PDZD8: variants seen among roughly 807,000 people sequenced by gnomAD.
The protein encoded by PDZD8 is PDZ domain-containing protein 8.
Under a neutral mutation model 85.8 loss-of-function variants are expected in PDZD8, and 14 were observed. That is an observed-to-expected ratio of 0.16 (90% CI 0.11 to 0.26). The LOEUF (loss-of-function observed/expected upper bound fraction) is 0.26, where lower values mean the gene tolerates loss of function less well. Among genes scored for constraint, PDZD8 ranks in the 10% least tolerant of loss-of-function variants. The pLI is 1.00. For missense variants in PDZD8, 1,197 were observed against 1,424.3 expected (o/e 0.84, Z 2.57); for synonymous variants, 592 against 568.6 (o/e 1.04, Z -0.59).
intron 2 of PDZD8, among the ~76,000 whole-genome samples, chr10:117,334,775 T>C (rs1330004140): frequency 6.6e-6 from 1 of 152,104 alleles, no homozygotes; most frequent in South Asian, 2.1e-4. Flanking sequence ...AAACTGGAGA[T>C]AGGAGAAGAC....
chr10:117,290,180 A>G lies in PDZD8; in HGVS notation c.1261+6T>C, dbSNP rs755247140. On this transcript the variant is annotated splice_donor_region_variant and intron_variant, in intron 4 of 4. Coordinates refer to ENST00000334464, the MANE Select transcript of PDZD8 (RefSeq NM_173791.5). ...GGTAAAGTATAATGCATATTAGCAT[A>G]ATTACCTCCAATGGCGATAAGTCGA... 1 of 1,611,454 alleles carries G rather than the reference A, an allele frequency of 6.2e-7. No individual in the cohort carries two copies. Among genetic ancestry groups the G allele is most frequent in the South Asian group, 1.1e-5 (1 of 90,518 alleles).
At chr10:117,309,549 T>A (rs904924379) in intron 3 of PDZD8, among the ~76,000 whole-genome samples, 1 of 152,064 alleles carries the variant, frequency 6.6e-6, no homozygotes, top group African/African-American at 2.4e-5. Context: ...TCTTTCTGGC[T>A]TCCTTGCTCA....
chr10:117,321,373 GA>G (rs1343822052), intron 2 of PDZD8, among the ~76,000 whole-genome samples: 1 of 152,062 alleles, frequency 6.6e-6, no homozygotes, highest in Non-Finnish European at 1.5e-5. Context: ...ACTTCTAAGT[GA>G]AATAAGCCAG....
At position 117,339,844 on chromosome 10, in the gene PDZD8, G is replaced by A. The variant is rs144025078; in HGVS notation, c.995+1136C>T. On this transcript the variant is annotated intron_variant, in intron 2 of 4. Coordinates refer to ENST00000334464, the MANE Select transcript of PDZD8 (RefSeq NM_173791.5). ...AAGCACTATGAATGAGGGGCTGGGC[G>A]GAGGATGGTGAGACTGAAGCTGGAG... Among the ~76,000 whole-genome samples the A allele has an allele frequency of 1.9e-4, 29 of 152,306 alleles. No homozygotes were observed. The East Asian group carries it at 5.0e-3, about 26-fold the overall frequency.
intron 1 of PDZD8, among the ~76,000 whole-genome samples, chr10:117,372,546 A>C (rs1382876018): frequency 6.6e-6 from 1 of 152,204 alleles, no homozygotes; most frequent in Non-Finnish European, 1.5e-5. Flanking sequence ...AGAATACCAA[A>C]ATTTCTAGCA....
Position 117,279,292 on chromosome 10 carries a change from A to G in PDZD8, c.*3976T>C, listed in dbSNP as rs1422314821. The G allele has an allele frequency of 2.6e-5, 4 of 152,206 alleles. No homozygotes were observed. Among genetic ancestry groups the G allele is most frequent in the African/African-American group, 7.2e-5 (3 of 41,450 alleles). The allele number at this position is 152,206 out of a possible 1,614,324, so 9.4% of individuals were successfully genotyped here. A position where few individuals can be genotyped will look rare whatever the true frequency, so the allele number is the denominator to read the frequency against. On this transcript the variant is annotated 3_prime_UTR_variant, in exon 5 of 5. Transcript: ENST00000334464. Reference sequence around the variant, plus strand: ...CTCTCTGAACATTTATTTTTTGAACAGAGGTGGTTTTTATGTTTGGACCTG... The same window carrying G: ...CTCTCTGAACATTTATTTTTTGAACGGAGGTGGTTTTTATGTTTGGACCTG...
intron 3 of PDZD8, among the ~76,000 whole-genome samples, chr10:117,302,933 C>T (rs1843871549): frequency 6.6e-6 from 1 of 152,166 alleles, no homozygotes; most frequent in African/African-American, 2.4e-5. Context: ...CCCATTAAAC[C>T]TCTTTCTTTT....
chr10:117,371,716 C>A (rs1845196674), intron 1 of PDZD8, among the ~76,000 whole-genome samples: 1 of 152,178 alleles, frequency 6.6e-6, no homozygotes, highest in Non-Finnish European at 1.5e-5. Flanking sequence ...GGGAGGATCA[C>A]TTGAATGAAC....
At chr10:117,294,380 G>A (rs1843720195) in intron 3 of PDZD8, among the ~76,000 whole-genome samples, 1 of 151,232 alleles carries the variant, frequency 6.6e-6, no homozygotes, top group Admixed American at 6.6e-5. Flanking sequence ...TGTGGAAGAA[G>A]AGGAACTCCT....
intron 1 of PDZD8, among the ~76,000 whole-genome samples, chr10:117,368,639 G>A (rs1845130371): frequency 6.6e-6 from 1 of 152,118 alleles, no homozygotes; most frequent in Non-Finnish European, 1.5e-5. Context: ...CTGTCAATAA[G>A]TTGATGCCCC....
In PDZD8 at chr10:117,282,424, A is replaced by G. The variant is rs1251328828; in HGVS notation, c.*844T>C. ...TTAAAAGGAAAGCATCAATATTTTA[A>G]AAGATTATATTTCAAAATGCTATGT... On this transcript the variant is annotated 3_prime_UTR_variant, in exon 5 of 5. Transcript: ENST00000334464. 6.6e-6 allele frequency: 1 copy of G among 152,220 alleles called. No homozygotes were observed. Among genetic ancestry groups the G allele is most frequent in the East Asian group, 1.9e-4 (1 of 5,196 alleles). The allele number at this position is 152,220 out of a possible 1,614,324, so 9.4% of individuals were successfully genotyped here.
chr10:117,298,882 A>G (rs1843799301), intron 3 of PDZD8, among the ~76,000 whole-genome samples: 1 of 152,158 alleles, frequency 6.6e-6, no homozygotes, highest in African/African-American at 2.4e-5. Context: ...TTTAGCAGTC[A>G]GCCCTCCATA....
At position 117,285,113 on chromosome 10, in the gene PDZD8, A is replaced by T; in HGVS notation, c.1620T>A (p.Val540=). 6.2e-7 allele frequency: 1 copy of T among 1,614,036 alleles called. No homozygotes were observed. The highest frequency in any genetic ancestry group is 8.5e-7 in the Non-Finnish European group (1 of 1,179,942). ...TTCCTACAGCTAATTTACGGTTTAA[A>T]ACTGGTGATATAGCTCCAAGGGGTT... ...SIKPLGAISP[V]LNRKLAVGSH... is the part of the protein sequence containing the mutation. The change falls in exon 5 of 5, where the codon GTT becomes GTA. Residue 540 remains valine, a synonymous_variant. Coordinates refer to ENST00000334464, the MANE Select transcript of PDZD8 (RefSeq NM_173791.5).
Position 117,318,882 on chromosome 10 carries a change from G to C in PDZD8, c.1088C>G (p.Ser363Cys), listed in dbSNP as rs1379584603. 2.4e-5 allele frequency: 38 copies of C among 1,596,482 alleles called. No individual in the cohort carries two copies. Among genetic ancestry groups the C allele is most frequent in the Non-Finnish European group, 3.1e-5 (36 of 1,164,938 alleles). ...SSVWEEKQRS[S>C]IKTVELIKGN... The stretch of plus-strand genomic sequence containing the variant: ...GTAAATCCATTTTACCGTCTTAATA[G>C]AACTCCTCTGTTTTTCTTCCCAAAC... The change falls in exon 3 of 5, where the codon TCT (serine) becomes TGT (cysteine). Residue 363 changes from serine (S) to cysteine (C), a missense_variant. By Grantham distance (112) the Ser-to-Cys change is moderately radical. Transcript: ENST00000334464.
intron 3 of PDZD8, among the ~76,000 whole-genome samples, chr10:117,315,547 G>A (rs942834195): frequency 1.6e-5 from 2 of 128,760 alleles, no homozygotes; most frequent in African/African-American, 6.2e-5. Context: ...CTGAGACTGC[G>A]CCACTGCACT....
chr10:117,314,167 G>C (rs909502254), intron 3 of PDZD8: 4 of 152,064 alleles, frequency 2.6e-5, no homozygotes, highest in African/African-American at 9.7e-5. Context: ...TTCTTACCCT[G>C]GCAGTAGTTC....
intron 3 of PDZD8, among the ~76,000 whole-genome samples, chr10:117,312,787 T>G (rs990429776): frequency 2.0e-5 from 3 of 152,206 alleles, no homozygotes; most frequent in Non-Finnish European, 4.4e-5. Context: ...TTTATCTTTA[T>G]ATGGCTATCT....
At position 117,374,970 on chromosome 10, in the gene PDZD8, G is replaced by A. The variant is rs760879562; in HGVS notation, c.258C>T (p.Thr86=). 2.5e-6 allele frequency: 4 copies of A among 1,605,168 alleles called. No individual in the cohort carries two copies. The highest frequency in any genetic ancestry group is 1.1e-5 in the South Asian group (1 of 90,422). ...AAGTCTCCCGCGTCGGCGGGGCGGG[G>A]GTCTCGGGGGCCGCGGTGGGGGTCG... ...GGATPTAAPE[T]PAPPTRETCY... The change falls in exon 1 of 5, where the codon ACC becomes ACT. Residue 86 remains threonine (T), a synonymous_variant. Coordinates refer to ENST00000334464, the MANE Select transcript of PDZD8 (RefSeq NM_173791.5). The surrounding 1 kb of genome is among the most constrained non-coding windows in gnomAD (Gnocchi z 7.8).
chr10:117,318,954 T>C lies in PDZD8; in HGVS notation c.1016A>G (p.Tyr339Cys). 5 of 1,611,174 alleles carry C rather than the reference T, an allele frequency of 3.1e-6. No individual in the cohort carries two copies. The African/African-American group carries it at 4.0e-5, about 13-fold the overall frequency. ...ECSRLLIFGS[Y>C]DREANVHCTL... ...GCAATGAACATTTGCCTCTCTGTCA[T>C]AGGATCCAAAAATGAGTAACCTGCA... The change falls in exon 3 of 5, where the codon TAT (tyrosine) becomes TGT (cysteine). Residue 339 changes from tyrosine to cysteine, a missense_variant. This residue lies in a region of PDZD8 where 344 missense variants were observed against 453.6 expected (regional missense o/e 0.76). Coordinates refer to ENST00000334464, the MANE Select transcript of PDZD8 (RefSeq NM_173791.5).
Sources: gnomAD v4.1 joint callset for allele counts (sites outside exome capture counted in the v4.1 genomes callset) on GRCh38, gnomAD v4.1.1 for gene constraint, gnomAD v4.1.1 regional missense constraint, Gnocchi (gnomAD v3.1) non-coding constraint, MANE v1.5 for transcripts, NCBI Gene and HGNC (gene_info 2026-07-23, HGNC 2026-07-21) for gene names.